IL22RA2: variants seen among roughly 807,000 people sequenced by gnomAD.
IL22RA2 encodes interleukin 22 receptor subunit alpha 2.
Under a neutral mutation model 30.7 loss-of-function variants are expected in IL22RA2, and 39 were observed. That is an observed-to-expected ratio of 1.27 (90% confidence interval 0.98 to 1.66). The LOEUF (loss-of-function observed/expected upper bound fraction) is 1.66, where lower values mean the gene tolerates loss of function less well. Ranked by LOEUF, IL22RA2 falls within the 40% of genes most tolerant of loss-of-function variation. IL22RA2 has a pLI of 0.00. For missense variants in IL22RA2, 315 were observed against 312.7 expected (o/e 1.01, Z -0.05); for synonymous variants, 103 against 105.0 (o/e 0.98, Z 0.11).
chr6:137,159,876 G>A (rs992191879), intron 2 of IL22RA2, among the ~76,000 whole-genome samples: 23 of 152,204 alleles, frequency 1.5e-4, no homozygotes, highest in Admixed American at 1.4e-3. Flanking sequence ...CAAGCCCATG[G>A]TCTCAGCTCT....
At chr6:137,169,758 G>A (rs561927519) in intron 1 of IL22RA2, among the ~76,000 whole-genome samples, 2 of 152,290 alleles carry the variant, frequency 1.3e-5, no homozygotes, top group Admixed American at 6.5e-5. Context: ...AGCCATACAG[G>A]CAACCCAGAT....
chr6:137,147,309 C>T (rs916292498), intron 6 of IL22RA2, among the ~76,000 whole-genome samples: 6 of 147,994 alleles, frequency 4.1e-5, no homozygotes, highest in African/African-American at 7.4e-5. Flanking sequence ...CTACAGTGAG[C>T]TATGATCACC....
At chr6:137,155,152 C>T (rs755902194) in intron 4 of IL22RA2, 33 bp from the exon 5 acceptor site, 3 of 1,468,068 alleles carry the variant, frequency 2.0e-6, no homozygotes. Flanking sequence ...ATCTGAGTTT[C>T]TTTTCTCCAC....
chr6:137,164,178 G>T (rs897073836), intron 1 of IL22RA2, among the ~76,000 whole-genome samples: 1 of 152,188 alleles, frequency 6.6e-6, no homozygotes, highest in East Asian at 1.9e-4. Context: ...GTGACTATGG[G>T]GTTAAGCTAA....
Position 137,161,781 on chromosome 6 carries a change from G to A in IL22RA2, c.-32C>T, listed in dbSNP as rs9399204. 135 of 1,589,918 alleles carry A rather than the reference G, an allele frequency of 8.5e-5. No individual in the cohort carries two copies. The East Asian group carries it at 2.2e-3, about 25-fold the overall frequency. ...AAGTGTGACTGTTCAGGCAACCAGTGTTCCTTTTAACCAGCTCAGGACCAA... is the reference window on the plus strand; with the variant it reads ...AAGTGTGACTGTTCAGGCAACCAGTATTCCTTTTAACCAGCTCAGGACCAA... On this transcript the variant is annotated 5_prime_UTR_variant, in exon 2 of 7. Transcript: ENST00000296980.
chr6:137,171,683 TC>T (rs1778737889), intron 1 of IL22RA2, among the ~76,000 whole-genome samples: 1 of 152,158 alleles, frequency 6.6e-6, no homozygotes, highest in Non-Finnish European at 1.5e-5. Context: ...AAAACCTTAT[TC>T]CTGAGCAAAG....
intron 3 of IL22RA2, among the ~76,000 whole-genome samples, chr6:137,157,443 T>C (rs774536519): frequency 1.3e-5 from 2 of 150,076 alleles, no homozygotes; most frequent in East Asian, 3.9e-4. Flanking sequence ...AGAGAAGTCG[T>C]AGCGGTTAAA....
rs369409341 is a variant in IL22RA2, at chr6:137,161,758, G to C, written c.-9C>G. On this transcript the variant is annotated 5_prime_UTR_variant, in exon 2 of 7. Coordinates refer to ENST00000296980, the MANE Select transcript of IL22RA2 (RefSeq NM_052962.3). ...CAATGTTTAGGCATCATGGTTGCAA[G>C]TGTGACTGTTCAGGCAACCAGTGTT... The C allele has an allele frequency of 2.5e-5, 41 of 1,612,322 alleles. No homozygotes were observed. Among genetic ancestry groups the C allele is most frequent in the Non-Finnish European group, 3.1e-5 (37 of 1,178,854 alleles).
At chr6:137,166,758 CA>C (rs2114394157) in intron 1 of IL22RA2, among the ~76,000 whole-genome samples, 1 of 152,320 alleles carries the variant, frequency 6.6e-6, no homozygotes, top group East Asian at 1.9e-4. Flanking sequence ...ACAGTTTCAT[CA>C]AGGAACACAT....
intron 1 of IL22RA2, among the ~76,000 whole-genome samples, chr6:137,166,932 C>T (rs1218820220): frequency 6.6e-6 from 1 of 152,212 alleles, no homozygotes; most frequent in Non-Finnish European, 1.5e-5. Flanking sequence ...GGAGCTACAC[C>T]CTGTGAAAAC....
At chr6:137,149,847 G>A (rs1181480249) in intron 5 of IL22RA2, among the ~76,000 whole-genome samples, 1 of 152,098 alleles carries the variant, frequency 6.6e-6, no homozygotes, top group African/African-American at 2.4e-5. Flanking sequence ...AGTCCCTTGA[G>A]TTTGCTATGC....
rs548017892 is a variant in IL22RA2, at chr6:137,167,874, T to C, written c.-66+5539A>G. Among the ~76,000 whole-genome samples, 4 of 152,306 alleles carry C rather than the reference T, an allele frequency of 2.6e-5. No homozygotes were observed. The East Asian group carries it at 7.7e-4, about 29-fold the overall frequency. On this transcript the variant is annotated intron_variant, in intron 1 of 6. Transcript: ENST00000296980. ...GAGGAAACATCGAGCCCTGTTCTAGTCACACAAATGGAAGCTGACTAGTCT... is the reference window on the plus strand; with the variant it reads ...GAGGAAACATCGAGCCCTGTTCTAGCCACACAAATGGAAGCTGACTAGTCT...
chr6:137,145,490 T>A lies in IL22RA2; in HGVS notation c.*134A>T. ...ATAAAAGAATGGATAAACAAAGAAGTCCCCAAGGTGTAACAGTGAATATTG... is the reference window on the plus strand; with the variant it reads ...ATAAAAGAATGGATAAACAAAGAAGACCCCAAGGTGTAACAGTGAATATTG... On this transcript the variant is annotated 3_prime_UTR_variant, in exon 7 of 7. Transcript: ENST00000296980. 1 of 682,172 alleles carries A rather than the reference T, an allele frequency of 1.5e-6. No individual in the cohort carries two copies. The highest frequency in any genetic ancestry group is 2.3e-6 in the Non-Finnish European group (1 of 435,216). The allele number at this position is 682,172 out of a possible 1,614,324, so 42.3% of individuals were successfully genotyped here.
At chr6:137,163,962 C>A (rs574255643) in intron 1 of IL22RA2, among the ~76,000 whole-genome samples, 1 of 152,172 alleles carries the variant, frequency 6.6e-6, no homozygotes, top group African/African-American at 2.4e-5. Flanking sequence ...AGAGGACCAG[C>A]TCCACAGCTG....
chr6:137,148,384 C>CTT (rs1208672226), intron 5 of IL22RA2, among the ~76,000 whole-genome samples: 1 of 152,100 alleles, frequency 6.6e-6, no homozygotes, highest in African/African-American at 2.4e-5. Context: ...GCTAGTCTGA[C>CTT]TTTTTATTGA....
chr6:137,151,106 T>G (rs749777746), intron 5 of IL22RA2, among the ~76,000 whole-genome samples: 1 of 152,164 alleles, frequency 6.6e-6, no homozygotes, highest in Non-Finnish European at 1.5e-5. Flanking sequence ...GAACCCATAA[T>G]AGTCAAAACA....
At chr6:137,164,599 C>T (rs867907151) in intron 1 of IL22RA2, among the ~76,000 whole-genome samples, 15 of 152,232 alleles carry the variant, frequency 9.9e-5, no homozygotes, top group East Asian at 3.8e-4. Context: ...AAGGCTGCCC[C>T]GGCTGCCTCC....
At chr6:137,152,235 A>G (rs1395888005) in intron 5 of IL22RA2, among the ~76,000 whole-genome samples, 1 of 152,142 alleles carries the variant, frequency 6.6e-6, no homozygotes, top group African/African-American at 2.4e-5. Context: ...ACAAGAAAAA[A>G]AAACAAAAAA....
At chr6:137,164,498 G>A (rs1300930463) in intron 1 of IL22RA2, among the ~76,000 whole-genome samples, 1 of 152,188 alleles carries the variant, frequency 6.6e-6, no homozygotes, top group African/African-American at 2.4e-5. Context: ...AGGAAAAGCA[G>A]TAAAAACCTG....
Sources: allele counts gnomAD v4.1 joint callset (sites outside exome capture counted in the v4.1 genomes callset), GRCh38; gene constraint gnomAD v4.1.1; transcripts MANE v1.5; gene names NCBI Gene and HGNC (gene_info 2026-07-23, HGNC 2026-07-21).